Variants in SLC71A2 observed in about 807,000 individuals in gnomAD.
SLC71A2 encodes solute carrier family 71 member 2, also known as hippocampus abundant transcript-like 1.
At chr9:94,400,191 A>G in the SLC71A2 span, among the ~76,000 whole-genome samples, 10 of 152,016 alleles carry the variant, frequency 6.6e-5, no homozygotes, top group African/African-American at 2.4e-4. Context: ...TCCTCGACCA[A>G]CTAAAACTGG....
the SLC71A2 span, among the ~76,000 whole-genome samples, chr9:94,420,257 TC>T: frequency 6.6e-6 from 1 of 152,194 alleles, no homozygotes; most frequent in Non-Finnish European, 1.5e-5. Flanking sequence ...CCACTAGTCT[TC>T]CGTGTTTGCC....
the SLC71A2 span, among the ~76,000 whole-genome samples, chr9:94,435,650 CTTTT>C: frequency 2.1e-5 from 1 of 48,400 alleles, no homozygotes. Flanking sequence ...TTTCCTTCTT[CTTTT>C]TTTTTTTTTT....
the SLC71A2 span, among the ~76,000 whole-genome samples, chr9:94,394,422 T>C: frequency 2.0e-5 from 2 of 100,052 alleles, no homozygotes; most frequent in African/African-American, 2.7e-5. Flanking sequence ...TACATCCTTA[T>C]GTTTATGTAA....
chr9:94,402,199 G>C, the SLC71A2 span, among the ~76,000 whole-genome samples: 1 of 152,126 alleles, frequency 6.6e-6, no homozygotes. Context: ...AGCCCAGTAG[G>C]TTTCAGTCTC....
the SLC71A2 span, among the ~76,000 whole-genome samples, chr9:94,457,396 CTTTT>C: frequency 0.51 from 76,780 of 151,394 alleles, 19,606 homozygotes; most frequent in Admixed American, 0.6. Context: ...CCTAAGAGCC[CTTTT>C]TTTTAAAAGT....
At chr9:94,383,164 T>TTC in the SLC71A2 span, among the ~76,000 whole-genome samples, 1 of 141,726 alleles carries the variant, frequency 7.1e-6, no homozygotes, top group South Asian at 2.3e-4. Flanking sequence ...TTTACATCTT[T>TTC]TTTTTTTTTT....
chr9:94,409,129 C>CTTTTTTTTTTTTTTTTTT, the SLC71A2 span, among the ~76,000 whole-genome samples: 1 of 68,240 alleles, frequency 1.5e-5, no homozygotes, highest in African/African-American at 7.5e-5. Flanking sequence ...GCCCGGCCTC[C>CTTTTTTTTTTTTTTTTTT]TTTTTTTTTT....
chr9:94,451,474 G>T, the SLC71A2 span: 3 of 1,567,010 alleles, frequency 1.9e-6, no homozygotes, highest in Middle Eastern at 2.2e-4. Context: ...TTTTGGATCT[G>T]TTAAAATTGC....
the SLC71A2 span, among the ~76,000 whole-genome samples, chr9:94,403,297 T>A: frequency 6.6e-6 from 1 of 151,978 alleles, no homozygotes; most frequent in Non-Finnish European, 1.5e-5. Context: ...CCACCACGCC[T>A]GGCTAATTTT....
At chr9:94,456,719 AATT>A in the SLC71A2 span, among the ~76,000 whole-genome samples, 1 of 152,196 alleles carries the variant, frequency 6.6e-6, no homozygotes, top group Non-Finnish European at 1.5e-5. Flanking sequence ...TTTATTCACT[AATT>A]ATTTGGAATA....
chr9:94,412,565 A>G, the SLC71A2 span, among the ~76,000 whole-genome samples: 1 of 151,520 alleles, frequency 6.6e-6, no homozygotes, highest in East Asian at 1.9e-4. Flanking sequence ...CCAAAGATGG[A>G]AACAACCCAA....
At chr9:94,436,317 C>G in the SLC71A2 span, among the ~76,000 whole-genome samples, 8 of 152,136 alleles carry the variant, frequency 5.3e-5, no homozygotes. Flanking sequence ...GAATTTTCTG[C>G]TAGAGGTATT....
chr9:94,426,276 C>G, the SLC71A2 span, among the ~76,000 whole-genome samples: 1 of 151,922 alleles, frequency 6.6e-6, no homozygotes, highest in Non-Finnish European at 1.5e-5. Flanking sequence ...TGATTGTTAT[C>G]CTGGTGCCAT....
chr9:94,399,941 G>A, the SLC71A2 span, among the ~76,000 whole-genome samples: 1 of 152,046 alleles, frequency 6.6e-6, no homozygotes, highest in Non-Finnish European at 1.5e-5. Flanking sequence ...GAGTAGCTGG[G>A]ATTACAGGCG....
chr9:94,375,563 A>G, the SLC71A2 span, among the ~76,000 whole-genome samples: 5 of 152,070 alleles, frequency 3.3e-5, no homozygotes, highest in Admixed American at 6.5e-5. Flanking sequence ...GTGGTTTCAT[A>G]TGGTGCAATA....
At chr9:94,447,390 G>C in the SLC71A2 span, among the ~76,000 whole-genome samples, 1 of 151,520 alleles carries the variant, frequency 6.6e-6, no homozygotes, top group Admixed American at 6.6e-5. Context: ...GTGTTGGCCA[G>C]GTTGGTCTCG....
chr9:94,424,865 G>T, the SLC71A2 span, among the ~76,000 whole-genome samples: 13 of 145,168 alleles, frequency 9.0e-5, no homozygotes, highest in Non-Finnish European at 1.5e-5. Flanking sequence ...CCGACCTCCT[G>T]AGTAGCTGGG....
chr9:94,435,723 C>T, the SLC71A2 span, among the ~76,000 whole-genome samples: 2 of 144,642 alleles, frequency 1.4e-5, no homozygotes, highest in African/African-American at 2.6e-5. Context: ...GGCACGATCT[C>T]GGCTCACTGC....
the SLC71A2 span, chr9:94,440,965 T>A: frequency 6.6e-7 from 1 of 1,514,304 alleles, no homozygotes; most frequent in Non-Finnish European, 9.1e-7. Flanking sequence ...CCTTGGGTCA[T>A]TAAAATAATC....
Sources: allele counts gnomAD v4.1 joint callset (sites outside exome capture counted in the v4.1 genomes callset), GRCh38; gene constraint gnomAD v4.1.1; transcripts MANE v1.5; gene names NCBI Gene and HGNC (gene_info 2026-07-23, HGNC 2026-07-21).